CTPS1: variants seen among roughly 807,000 people sequenced by gnomAD.
CTPS1 encodes the protein CTP synthase 1.
In CTPS1, 25 loss-of-function variants were observed where a neutral mutation model predicts 80.5. The ratio of observed to expected loss-of-function variants is 0.31; its 90% CI spans 0.23 to 0.43. CTPS1 has a LOEUF of 0.43. CTPS1 is among the 20% of genes least tolerant of loss of function. The pLI is 1.00. For synonymous variants in CTPS1, 267 were observed against 252.5 expected (o/e 1.06, Z -0.54); for missense variants, 442 against 725.7 (o/e 0.61, Z 4.49).
rs752105512 is a variant in CTPS1, at chr1:40,995,980, G to T, written c.784G>T (p.Val262Phe). The T allele has an allele frequency of 6.2e-7, 1 of 1,614,012 alleles. No homozygotes were observed. Among genetic ancestry groups the T allele is most frequent in the South Asian group, 1.1e-5 (1 of 91,092 alleles). The change falls in exon 8 of 19, where the codon GTT (valine) becomes TTT (phenylalanine). Residue 262 changes from valine (V) to phenylalanine (F), a missense_variant. Val to Phe is a conservative substitution (Grantham distance 50). Around this residue, in one of 4 missense-constraint regions of CTPS1, gnomAD observed 321 missense variants for 467.2 expected, o/e 0.69. Transcript: ENST00000650070. ...RVPLLLEEQG[V>F]VDYFLRRLDL... ...CCCCTTGTTGTTAGAGGAGCAAGGG[G>T]TTGTAGATTATTTTCTTCGAAGACT...
chr1:40,988,860 A>C, intron 5 of CTPS1, 150 bp downstream of exon 5: 1 of 617,746 alleles, frequency 1.6e-6, no homozygotes, highest in South Asian at 2.0e-5. Flanking sequence ...AATTTGTTAC[A>C]ATCATACTTT....
At chr1:40,998,677 C>G (rs1457287924) in intron 9 of CTPS1, among the ~76,000 whole-genome samples, 2 of 152,164 alleles carry the variant, frequency 1.3e-5, no homozygotes, top group Non-Finnish European at 2.9e-5. Flanking sequence ...CCCTTTATTC[C>G]TTTTCTTCCT....
At chr1:41,003,785 A>G (rs1035221707) in intron 12 of CTPS1, among the ~76,000 whole-genome samples, 1 of 152,248 alleles carries the variant, frequency 6.6e-6, no homozygotes, top group Non-Finnish European at 1.5e-5. Context: ...AGTGGCTCCC[A>G]ACAGCAGTGA....
chr1:40,997,749 A>G (rs1313129135), intron 9 of CTPS1, among the ~76,000 whole-genome samples: 1 of 152,196 alleles, frequency 6.6e-6, no homozygotes, highest in African/African-American at 2.4e-5. Flanking sequence ...GGAGAGGGTG[A>G]GAGAGACTTG....
chr1:41,001,796 C>A (rs902095598), intron 10 of CTPS1, among the ~76,000 whole-genome samples: 1 of 151,988 alleles, frequency 6.6e-6, no homozygotes, highest in Non-Finnish European at 1.5e-5. Context: ...CTTGGGAGAT[C>A]AAGGCTGCAG....
intron 7 of CTPS1, among the ~76,000 whole-genome samples, chr1:40,995,013 G>A (rs1001147635): frequency 6.6e-6 from 1 of 152,114 alleles, no homozygotes. Context: ...CACTTGGGGA[G>A]CTTTAAAAAT....
At chr1:40,995,819 C>G (rs1228140187) in intron 7 of CTPS1, 98 bp from the exon 8 acceptor site, 3 of 1,256,820 alleles carry the variant, frequency 2.4e-6, no homozygotes, top group Non-Finnish European at 3.3e-6. Context: ...TTTCTGTTTT[C>G]AAATACATAA....
intron 3 of CTPS1, among the ~76,000 whole-genome samples, chr1:40,986,683 C>A (rs1401037700): frequency 6.6e-6 from 1 of 152,200 alleles, no homozygotes; most frequent in Admixed American, 6.5e-5. Flanking sequence ...CTGTGCCCAA[C>A]AACTATGATT....
intron 18 of CTPS1, among the ~76,000 whole-genome samples, chr1:41,010,756 G>T (rs1643151987): frequency 6.6e-6 from 1 of 152,186 alleles, no homozygotes; most frequent in African/African-American, 2.4e-5. Flanking sequence ...GTTGATTGCT[G>T]CTTATTCTGG....
At chr1:41,011,158 C>T (rs1643162756) in intron 18 of CTPS1, among the ~76,000 whole-genome samples, 1 of 152,204 alleles carries the variant, frequency 6.6e-6, no homozygotes, top group Admixed American at 6.6e-5. Flanking sequence ...GGTTGACCCC[C>T]TGTCCTGGCA....
chr1:40,993,355 C>T (rs1038196664), intron 7 of CTPS1, among the ~76,000 whole-genome samples: 5 of 147,934 alleles, frequency 3.4e-5, no homozygotes, highest in Non-Finnish European at 1.5e-5. Flanking sequence ...CTGGCCTTGC[C>T]TTTTTTTTTT....
At chr1:40,987,330 G>T in intron 3 of CTPS1, 42 bp from the exon 4 acceptor site, 1 of 1,424,144 alleles carries the variant, frequency 7.0e-7, no homozygotes, top group South Asian at 1.2e-5. Context: ...AATCAATGTA[G>T]ATGGACAAGC....
rs778411782 is a variant in CTPS1, at chr1:40,985,031, C to T, written c.337+40C>T. ...ACCTTTAAAGCTTAAAAGTCTTAAC[C>T]AGTTTAATTTCTTCTCCCTCCCACC... On this transcript the variant is annotated intron_variant, in intron 3 of 18. Coordinates refer to ENST00000650070, the MANE Select transcript of CTPS1 (RefSeq NM_001905.4). 8 of 1,428,604 alleles carry T rather than the reference C, an allele frequency of 5.6e-6. No homozygotes were observed. The Middle Eastern group carries it at 6.7e-4, about 119-fold the overall frequency. 88.5% of individuals were successfully genotyped at this position (1,428,604 alleles called of 1,614,324 possible). A position where few individuals can be genotyped will look rare whatever the true frequency, so the allele number is the denominator to read the frequency against.
chr1:40,988,721 CA>C lies in CTPS1; in HGVS notation c.555+12del. ...AGTCTAGTTCCCCAGGTAAGTAAGA[CA>C]TTGAAAGTTTTACTTTGGGGGAGAT... On this transcript the variant is annotated intron_variant, in intron 5 of 18. Transcript: ENST00000650070. 6 of 1,572,630 alleles carry C rather than the reference CA, an allele frequency of 3.8e-6. No homozygotes were observed. Among genetic ancestry groups the C allele is most frequent in the Non-Finnish European group, 5.2e-6 (6 of 1,143,008 alleles).
At chr1:40,985,100 TTGTA>T (rs1642419801) in intron 3 of CTPS1, 109 bp downstream of exon 3, 1 of 674,436 alleles carries the variant, frequency 1.5e-6, no homozygotes, top group Admixed American at 4.3e-5. Context: ...GAAGTTTACA[TTGTA>T]TGTGATTTCA....
intron 4 of CTPS1, among the ~76,000 whole-genome samples, chr1:40,988,099 A>G (rs1045230480): frequency 7.9e-5 from 12 of 151,868 alleles, no homozygotes; most frequent in Non-Finnish European, 1.3e-4. Context: ...TTTTTGGGAG[A>G]GGCAGGGTTT....
chr1:40,979,848 T>TC lies in CTPS1; in HGVS notation c.-14+22dup, dbSNP rs1350559146. ...GCCGCAGGTAGGCTGACTCCAGGGATCCCGGGGGGGATCTGTTCTCCCGCG... is the reference window on the plus strand; with the variant it reads ...GCCGCAGGTAGGCTGACTCCAGGGATCCCCGGGGGGGATCTGTTCTCCCGCG... On this transcript the variant is annotated intron_variant, in intron 1 of 18. Transcript: ENST00000650070. The TC allele has an allele frequency of 3.3e-5, 5 of 152,048 alleles. No individual in the cohort carries two copies. Among genetic ancestry groups the TC allele is most frequent in the Non-Finnish European group, 7.4e-5 (5 of 68,004 alleles). 9.4% of individuals were successfully genotyped at this position (152,048 alleles called of 1,614,324 possible).
At chr1:41,001,163 G>C in intron 10 of CTPS1, 46 bp downstream of exon 10, 2 of 1,437,756 alleles carry the variant, frequency 1.4e-6, no homozygotes, top group South Asian at 2.5e-5. Context: ...CTTTTGGTTT[G>C]TTTTAATGAA....
intron 17 of CTPS1, 85 bp from the exon 18 acceptor site, chr1:41,010,076 C>A: frequency 1.2e-6 from 1 of 826,292 alleles, no homozygotes; most frequent in Non-Finnish European, 2.0e-6. Flanking sequence ...AGGCAAGTGT[C>A]CCTGTAGGAA....
Sources: gnomAD v4.1 joint callset for allele counts (sites outside exome capture counted in the v4.1 genomes callset) on GRCh38, gnomAD v4.1.1 for gene constraint, gnomAD v4.1.1 regional missense constraint, MANE v1.5 for transcripts, NCBI Gene and HGNC (gene_info 2026-07-23, HGNC 2026-07-21) for gene names.